Variants in BRD1 observed in about 807,000 individuals in gnomAD.
The protein encoded by BRD1 is bromodomain-containing protein 1.
A neutral mutation model predicts 107.7 loss-of-function variants in BRD1; 24 were observed. That is an observed-to-expected ratio of 0.22 (90% CI 0.16 to 0.31). The LOEUF (loss-of-function observed/expected upper bound fraction) is 0.31. Among genes scored for constraint, BRD1 ranks in the 10% least tolerant of loss-of-function variants. The pLI is 1.00. For synonymous variants in BRD1, 744 were observed against 686.1 expected (o/e 1.08, Z -1.32); for missense variants, 1,279 against 1,638.6 (o/e 0.78, Z 3.79).
chr22:49,800,363 C>A (rs2059618676), intron 3 of BRD1, among the ~76,000 whole-genome samples: 2 of 152,108 alleles, frequency 1.3e-5, no homozygotes, highest in Non-Finnish European at 2.9e-5. Context: ...CTGCTGAACA[C>A]CCTCAGGCAG....
At chr22:49,820,877 T>C (rs2060052756) in intron 2 of BRD1, 1 of 152,214 alleles carries the variant, frequency 6.6e-6, no homozygotes, top group Admixed American at 6.5e-5. Context: ...CCTCCACTGG[T>C]GGCAAGGTGG....
chr22:49,823,790 G>C lies in BRD1; in HGVS notation c.528C>G (p.Asp176Glu), dbSNP rs1236511390. Residue 176 changes from aspartate to glutamate, a missense_variant, in exon 2 of 13, where the codon GAC becomes GAG. Around this residue, in one of 7 missense-constraint regions of BRD1, gnomAD observed 223 missense variants for 263.5 expected, o/e 0.85. Transcript: ENST00000404760. ...LEIVNEKRKG[D>E]CVPAVSQSMF... ...TGCTCTGCGACACGGCGGGGACGCA[G>C]TCGCCCTTGCGCTTCTCATTGACGA... 1 of 1,614,152 alleles carries C rather than the reference G, an allele frequency of 6.2e-7. No homozygotes were observed.
chr22:49,785,117 T>C (rs945115709), intron 8 of BRD1, among the ~76,000 whole-genome samples: 5 of 152,188 alleles, frequency 3.3e-5, no homozygotes, highest in Non-Finnish European at 5.9e-5. Context: ...TGTAAGACAG[T>C]GGCCCGGAGG....
At chr22:49,818,834 C>T (rs6009882) in intron 2 of BRD1, among the ~76,000 whole-genome samples, 2 of 151,554 alleles carry the variant, frequency 1.3e-5, no homozygotes, top group Non-Finnish European at 2.9e-5. Flanking sequence ...TGTAGTGAGC[C>T]GAGATCGTGC....
In BRD1 at chr22:49,792,126, C is replaced by G. The variant is rs146960020; in HGVS notation, c.2359+1908G>C. Among the ~76,000 whole-genome samples the G allele has an allele frequency of 6.6e-6, 1 of 152,014 alleles. No individual in the cohort carries two copies. The highest frequency in any genetic ancestry group is 1.5e-5 in the Non-Finnish European group (1 of 68,010). On this transcript the variant is annotated intron_variant, in intron 7 of 12. Transcript: ENST00000404760. This position sits in a 1 kb window ranked among gnomAD's most constrained non-coding sequence, Gnocchi z 4.2. The stretch of plus-strand genomic sequence containing the variant: ...GTCCTCAGTCCTGTGACCCAATAAC[C>G]GTGCGGGGTCCTCAGCCCTGTGACC...
intron 6 of BRD1, among the ~76,000 whole-genome samples, chr22:49,796,709 C>T (rs1248960004): frequency 1.3e-5 from 2 of 152,242 alleles, no homozygotes; most frequent in Non-Finnish European, 2.9e-5. Flanking sequence ...CTCACAGGTG[C>T]CGAGTGCTGC....
intron 2 of BRD1, among the ~76,000 whole-genome samples, chr22:49,812,105 T>A (rs2059860914): frequency 1.4e-5 from 1 of 73,992 alleles, no homozygotes; most frequent in Non-Finnish European, 2.4e-5. Flanking sequence ...AGTCTGCTCC[T>A]TTTTTTTTTT....
Position 49,823,929 on chromosome 22 carries a change from G to T in BRD1, c.389C>A (p.Pro130Gln), listed in dbSNP as rs138141016. Residue 130 changes from proline to glutamine, a missense_variant, in exon 2 of 13, where the codon CCG (proline) becomes CAG (glutamine). Physicochemically the swap from Pro to Gln is moderately conservative, Grantham distance 76. Around this residue, in one of 7 missense-constraint regions of BRD1, gnomAD observed 223 missense variants for 263.5 expected, o/e 0.85. Transcript: ENST00000404760. ...CACAGGAGGCCTCCTGGGGGCGGACGGAGGGCTGTACTCCACGATGCGCAC... is the reference window on the plus strand; with the variant it reads ...CACAGGAGGCCTCCTGGGGGCGGACTGAGGGCTGTACTCCACGATGCGCAC... ...PKVRIVEYSP[P>Q]SAPRRPPVYY... 1.2e-6 allele frequency: 2 copies of T among 1,614,210 alleles called. No individual in the cohort carries two copies. The highest frequency in any genetic ancestry group is 1.7e-6 in the Non-Finnish European group (2 of 1,180,046).
intron 2 of BRD1, among the ~76,000 whole-genome samples, chr22:49,814,957 C>A (rs2147310455): frequency 6.6e-6 from 1 of 152,318 alleles, no homozygotes; most frequent in South Asian, 2.1e-4. Flanking sequence ...GGGAAGAGAA[C>A]CCGGCCTAGA....
Position 49,777,026 on chromosome 22 carries a change from C to G in BRD1, c.3121+8G>C, listed in dbSNP as rs148324843. 6.2e-7 allele frequency: 1 copy of G among 1,612,750 alleles called. No homozygotes were observed. On this transcript the variant is annotated splice_region_variant and intron_variant, in intron 10 of 12. Coordinates refer to ENST00000404760, the MANE Select transcript of BRD1 (RefSeq NM_001304808.3). ...GGAGAGCCATGGAGGCAGGTCCGGG[C>G]GACTCACCGGCTGCGATCCTGGCCG...
intron 6 of BRD1, among the ~76,000 whole-genome samples, chr22:49,797,408 A>G: frequency 6.6e-6 from 1 of 152,142 alleles, no homozygotes; most frequent in East Asian, 1.9e-4. Context: ...CTGGGTCTGC[A>G]TCGTCGAGAC....
chr22:49,775,824 C>CCG lies in BRD1; in HGVS notation c.3232-80_3232-79insCG, dbSNP rs879766434. On this transcript the variant is annotated intron_variant, in intron 11 of 12. Transcript: ENST00000404760. The stretch of plus-strand genomic sequence containing the variant: ...CCCACCTGTCACTGGCACCCCCCCC[C>CCG]GCCTCCCCACCCCAGCTGTGTGAGC... 298 of 1,282,340 alleles carry CCG rather than the reference C, an allele frequency of 2.3e-4. 4 individuals carry two copies. In the African/African-American group the frequency reaches 5.9e-3, roughly 25 times the overall value. The allele number at this position is 1,282,340 out of a possible 1,614,324, so 79.4% of individuals were successfully genotyped here.
chr22:49,812,308 A>G (rs988402713), intron 2 of BRD1, among the ~76,000 whole-genome samples: 2 of 152,220 alleles, frequency 1.3e-5, no homozygotes, highest in African/African-American at 2.4e-5. Context: ...ATAGCTAAAA[A>G]CAAAAATGCT....
rs1464593360 is a variant in BRD1, at chr22:49,783,701, C to T, written c.2857+3689G>A. 5.3e-5 allele frequency among the ~76,000 whole-genome samples: 8 copies of T among 151,268 alleles called. No individual in the cohort carries two copies. Among genetic ancestry groups the T allele is most frequent in the African/African-American group, 9.7e-5 (4 of 41,178 alleles). On this transcript the variant is annotated intron_variant, in intron 8 of 12. Transcript: ENST00000404760. This position sits in a 1 kb window ranked among gnomAD's most constrained non-coding sequence, Gnocchi z 4.2. ...CCGCCAGCTCCAGGCGTGCACCGGGCGCCAGCACCATTCCCACTGCCGGGC... is the reference window on the plus strand; with the variant it reads ...CCGCCAGCTCCAGGCGTGCACCGGGTGCCAGCACCATTCCCACTGCCGGGC...
intron 3 of BRD1, among the ~76,000 whole-genome samples, chr22:49,802,670 A>T (rs1040144400): frequency 7.1e-6 from 1 of 140,278 alleles, no homozygotes; most frequent in East Asian, 2.1e-4. Flanking sequence ...CAATGCCTCC[A>T]CTCTCTTCCT....
chr22:49,802,772 C>A (rs1280673616), intron 3 of BRD1, among the ~76,000 whole-genome samples: 3 of 152,238 alleles, frequency 2.0e-5, no homozygotes, highest in Non-Finnish European at 4.4e-5. Flanking sequence ...TCTTAAGAGC[C>A]CCCCAAACCG....
chr22:49,787,943 A>G (rs939203814), intron 7 of BRD1, 56 bp from the exon 8 acceptor site: 55 of 1,389,948 alleles, frequency 4.0e-5, no homozygotes, highest in Non-Finnish European at 4.1e-5. Context: ...AAAATCTATT[A>G]TAAAACTTAC....
intron 5 of BRD1, 55 bp from the exon 6 acceptor site, chr22:49,798,172 ACT>A (rs2059570490): frequency 2.7e-6 from 4 of 1,456,116 alleles, no homozygotes; most frequent in Middle Eastern, 1.8e-4. Context: ...ATATTAGTTG[ACT>A]CTATATTTAT....
chr22:49,796,355 CTT>C (rs59154755), intron 6 of BRD1, among the ~76,000 whole-genome samples: 1 of 149,322 alleles, frequency 6.7e-6, no homozygotes, highest in Non-Finnish European at 1.5e-5. Flanking sequence ...CGGCCTCTCT[CTT>C]TTTTCTTTTT....
Sources: allele counts gnomAD v4.1 joint callset (sites outside exome capture counted in the v4.1 genomes callset), GRCh38; gene constraint gnomAD v4.1.1; regional missense constraint gnomAD v4.1.1; non-coding constraint Gnocchi (gnomAD v3.1); transcripts MANE v1.5; gene names NCBI Gene and HGNC (gene_info 2026-07-23, HGNC 2026-07-21).